The following GRIA1 variants were observed in gnomAD, a reference collection of about 807,000 sequenced individuals.
The protein encoded by GRIA1 is glutamate ionotropic receptor AMPA type subunit 1.
A neutral mutation model predicts 99.2 loss-of-function variants in GRIA1; 31 were observed. The ratio of observed to expected loss-of-function variants is 0.31; its 90% CI spans 0.23 to 0.42. GRIA1 has a LOEUF of 0.42. Among genes scored for constraint, GRIA1 ranks in the 10% least tolerant of loss-of-function variants. GRIA1 has a pLI of 1.00. For missense variants in GRIA1, 782 were observed against 1,157.5 expected, an observed-to-expected ratio of 0.68 and a Z score of 4.71; for synonymous variants, 438 against 432.4, an observed-to-expected ratio of 1.01 and a Z score of -0.16.
chr5:153,558,320 C>G (rs1561640725), intron 2 of GRIA1, among the ~76,000 whole-genome samples: 2 of 152,194 alleles, frequency 1.3e-5, no homozygotes, highest in East Asian at 1.9e-4. Flanking sequence ...AGTCATTTAA[C>G]CACCATTATA....
chr5:153,566,368 G>A (rs1210142691), intron 2 of GRIA1, among the ~76,000 whole-genome samples: 2 of 127,974 alleles, frequency 1.6e-5, no homozygotes, highest in East Asian at 5.2e-4. Context: ...GTGGAGTGGT[G>A]CGATCTTGGC....
chr5:153,623,058 G>A (rs76239041), intron 2 of GRIA1, among the ~76,000 whole-genome samples: 15,894 of 152,244 alleles, frequency 0.1, 992 homozygotes, highest in Non-Finnish European at 0.14. Context: ...GTAAGTGATA[G>A]TGTTGGGATT....
At chr5:153,741,471 C>A (rs1038326472) in intron 11 of GRIA1, among the ~76,000 whole-genome samples, 1 of 151,994 alleles carries the variant, frequency 6.6e-6, no homozygotes, top group Non-Finnish European at 1.5e-5. Flanking sequence ...TTATTACAGC[C>A]CTATTCACAG....
chr5:153,673,277 A>G (rs1756332689), intron 5 of GRIA1, among the ~76,000 whole-genome samples: 1 of 152,158 alleles, frequency 6.6e-6, no homozygotes. Context: ...GCGGAGGCTC[A>G]TCCTCATCAC....
intron 2 of GRIA1, among the ~76,000 whole-genome samples, chr5:153,573,935 GGAA>G (rs891552236): frequency 6.6e-5 from 10 of 152,140 alleles, no homozygotes; most frequent in African/African-American, 2.2e-4. Flanking sequence ...GGTGATTAGG[GGAA>G]GAAGAAGTCA....
chr5:153,546,995 A>G (rs1237763691), intron 2 of GRIA1, among the ~76,000 whole-genome samples: 1 of 152,224 alleles, frequency 6.6e-6, no homozygotes, highest in Non-Finnish European at 1.5e-5. Context: ...ATTTGAATAA[A>G]TGCATCAGTA....
intron 11 of GRIA1, among the ~76,000 whole-genome samples, chr5:153,720,435 A>G (rs1325250984): frequency 6.6e-6 from 1 of 152,182 alleles, no homozygotes; most frequent in African/African-American, 2.4e-5. Flanking sequence ...CTGAACACTA[A>G]AATAAGCCCA....
intron 2 of GRIA1, among the ~76,000 whole-genome samples, chr5:153,605,499 T>G (rs1765364410): frequency 2.0e-5 from 3 of 152,252 alleles, no homozygotes; most frequent in Non-Finnish European, 2.9e-5. Context: ...TGCACATATT[T>G]TTTGTTGGAT....
intron 2 of GRIA1, among the ~76,000 whole-genome samples, chr5:153,614,648 G>T (rs1766311427): frequency 6.6e-6 from 1 of 152,146 alleles, no homozygotes; most frequent in African/African-American, 2.4e-5. Flanking sequence ...TTCATTGAGA[G>T]AATAAGTGAA....
chr5:153,590,842 T>C (rs1035906480), intron 2 of GRIA1, among the ~76,000 whole-genome samples: 2 of 152,220 alleles, frequency 1.3e-5, no homozygotes, highest in African/African-American at 4.8e-5. Flanking sequence ...TTGTTTAGGA[T>C]GTGTACTGTG....
At chr5:153,682,163 T>C (rs1757018006) in intron 7 of GRIA1, among the ~76,000 whole-genome samples, 1 of 152,066 alleles carries the variant, frequency 6.6e-6, no homozygotes, top group Non-Finnish European at 1.5e-5. Context: ...GGTTCTGAGA[T>C]TTGCTCTGGC....
At chr5:153,752,328 T>G (rs575316642) in intron 11 of GRIA1, among the ~76,000 whole-genome samples, 1 of 152,270 alleles carries the variant, frequency 6.6e-6, no homozygotes. Flanking sequence ...GCACAATATC[T>G]CCTCTTCTGG....
intron 2 of GRIA1, among the ~76,000 whole-genome samples, chr5:153,500,606 T>TAC (rs1754912665): frequency 8.7e-5 from 5 of 57,194 alleles, no homozygotes; most frequent in African/African-American, 1.3e-4. Flanking sequence ...CTCCCCCTCT[T>TAC]ACATACACAC....
intron 13 of GRIA1, among the ~76,000 whole-genome samples, chr5:153,778,831 C>T (rs936301343): frequency 1.3e-5 from 2 of 152,116 alleles, no homozygotes; most frequent in African/African-American, 2.4e-5. Flanking sequence ...TGCTTGACTG[C>T]ACCATTTGTA....
chr5:153,505,980 C>T (rs1290715789), intron 2 of GRIA1, among the ~76,000 whole-genome samples: 2 of 152,168 alleles, frequency 1.3e-5, no homozygotes, highest in East Asian at 1.9e-4. Flanking sequence ...TGTGGAATGT[C>T]GAAATCCAGC....
chr5:153,800,895 AC>A (rs141504996), intron 14 of GRIA1, among the ~76,000 whole-genome samples: 2,038 of 152,240 alleles, frequency 0.013, 17 homozygotes, highest in African/African-American at 0.023. Context: ...CTACTTCCCC[AC>A]CTGAAAAGGA....
intron 8 of GRIA1, among the ~76,000 whole-genome samples, chr5:153,695,684 G>T (rs1354226747): frequency 6.6e-6 from 1 of 152,174 alleles, no homozygotes; most frequent in African/African-American, 2.4e-5. Flanking sequence ...TGAGTTTCTG[G>T]TTCTTCTGTC....
rs57737622 is a variant in GRIA1 at position 153,657,552 on chromosome 5, G to T, written c.699+1680G>T. 6.0e-3 allele frequency among the ~76,000 whole-genome samples: 910 copies of T among 152,278 alleles called. 7 individuals are homozygous for T. Among genetic ancestry groups the T allele is most frequent in the Middle Eastern group, 0.024 (7 of 294 alleles). ...TATGAGCAATAGTAATTGAACAAAG[G>T]ATTAATATTTGTTACTCATTTCTGG... On this transcript the variant is annotated intron_variant, in intron 5 of 15. Coordinates refer to ENST00000285900, the MANE Select transcript of GRIA1 (RefSeq NM_000827.4).
At chr5:153,620,806 C>G (rs1337866376) in intron 2 of GRIA1, among the ~76,000 whole-genome samples, 1 of 152,148 alleles carries the variant, frequency 6.6e-6, no homozygotes, top group Non-Finnish European at 1.5e-5. Context: ...AATGCTGGTT[C>G]TCTTTCACAA....
Sources: allele counts gnomAD v4.1 joint callset (sites outside exome capture counted in the v4.1 genomes callset), GRCh38; gene constraint gnomAD v4.1.1; transcripts MANE v1.5; gene names NCBI Gene and HGNC (gene_info 2026-07-23, HGNC 2026-07-21).